The following ZPLD1 variants were observed in gnomAD, a reference collection of about 807,000 sequenced individuals.
ZPLD1 encodes the protein zona pellucida-like domain-containing protein 1.
A neutral mutation model predicts 47.2 loss-of-function variants in ZPLD1; 34 were observed. The ratio of observed to expected loss-of-function variants is 0.72; its 90% confidence interval spans 0.55 to 0.96. ZPLD1 has a LOEUF of 0.96. ZPLD1 is among the 40% of genes least tolerant of loss of function. The pLI is 0.00. For missense variants in ZPLD1, 512 were observed against 505.8 expected, an observed-to-expected ratio of 1.01 and a Z score of -0.12; for synonymous variants, 176 against 186.2, an observed-to-expected ratio of 0.95 and a Z score of 0.45.
chr3:102,450,420 A>T (rs1292307436), intron 3 of ZPLD1, among the ~76,000 whole-genome samples: 1 of 152,150 alleles, frequency 6.6e-6, no homozygotes, highest in Non-Finnish European at 1.5e-5. Context: ...CCCAGGAGGT[A>T]ACTACTTTTC....
intron 6 of ZPLD1, among the ~76,000 whole-genome samples, chr3:102,458,958 C>T (rs965003013): frequency 4.0e-5 from 6 of 151,460 alleles, no homozygotes; most frequent in Admixed American, 1.3e-4. Flanking sequence ...GGCGTGGTGG[C>T]GGGCACCTGT....
intron 3 of ZPLD1, among the ~76,000 whole-genome samples, chr3:102,450,384 CG>C (rs1010741243): frequency 1.1e-4 from 16 of 152,216 alleles, no homozygotes; most frequent in African/African-American, 3.4e-4. Flanking sequence ...CAATTGTTCT[CG>C]TGCTCCTATT....
chr3:102,426,094 C>T (rs928590148), intron 8 of ZPLD1, among the ~76,000 whole-genome samples: 2 of 150,776 alleles, frequency 1.3e-5, no homozygotes, highest in Middle Eastern at 3.4e-3. Context: ...TAATCTTTAA[C>T]ATTTTGACAT....
intron 7 of ZPLD1, among the ~76,000 whole-genome samples, chr3:102,395,185 A>G (rs1199029485): frequency 6.6e-6 from 1 of 152,110 alleles, no homozygotes; most frequent in South Asian, 2.1e-4. Context: ...TAGGCAAATA[A>G]CAGACTCCAA....
chr3:102,412,405 T>G (rs1333746954), intron 7 of ZPLD1, among the ~76,000 whole-genome samples: 3 of 151,754 alleles, frequency 2.0e-5, no homozygotes, highest in African/African-American at 7.2e-5. Flanking sequence ...TTATATTTGA[T>G]TCTAGAACCA....
At chr3:102,390,243 C>A (rs577719340) in intron 6 of ZPLD1, among the ~76,000 whole-genome samples, 1 of 152,122 alleles carries the variant, frequency 6.6e-6, no homozygotes, top group Non-Finnish European at 1.5e-5. Flanking sequence ...AAACACACAG[C>A]GTGCTTTCTA....
At chr3:102,403,643 CCTATAACTT>C (rs1706649668) in intron 7 of ZPLD1, among the ~76,000 whole-genome samples, 1 of 151,948 alleles carries the variant, frequency 6.6e-6, no homozygotes, top group Non-Finnish European at 1.5e-5. Context: ...CCCTTAGATT[CCTATAACTT>C]CTTCACAAAT....
chr3:102,440,449 A>T (rs150855360), intron 3 of ZPLD1, among the ~76,000 whole-genome samples: 3 of 152,148 alleles, frequency 2.0e-5, no homozygotes, highest in Non-Finnish European at 4.4e-5. Flanking sequence ...GAACAACTGG[A>T]TGTTGATGCT....
chr3:102,447,109 A>G (rs1211653257), intron 3 of ZPLD1, among the ~76,000 whole-genome samples: 1 of 152,022 alleles, frequency 6.6e-6, no homozygotes, highest in East Asian at 1.9e-4. Context: ...CTCTGTCGCC[A>G]GGCTGGAGTG....
chr3:102,459,848 T>G (rs1707479161), intron 6 of ZPLD1, among the ~76,000 whole-genome samples: 1 of 152,250 alleles, frequency 6.6e-6, no homozygotes, highest in Admixed American at 6.5e-5. Context: ...GATACATTAT[T>G]AACCAAAGTC....
chr3:102,464,147 T>C (rs1285971457), intron 7 of ZPLD1, 24 bp from the exon 8 acceptor site: 2 of 1,550,952 alleles, frequency 1.3e-6, no homozygotes, highest in South Asian at 2.2e-5. Context: ...TGACTCTAGA[T>C]TATGTTTGCT....
At chr3:102,457,657 C>A in intron 5 of ZPLD1, 124 bp from the exon 6 acceptor site, 1 of 814,214 alleles carries the variant, frequency 1.2e-6, no homozygotes, top group Non-Finnish European at 2.0e-6. Flanking sequence ...AGTATAGCAA[C>A]TCCAGGTATA....
chr3:102,454,978 C>G (rs771851961), intron 4 of ZPLD1, among the ~76,000 whole-genome samples: 1 of 152,182 alleles, frequency 6.6e-6, no homozygotes, highest in Non-Finnish European at 1.5e-5. Flanking sequence ...GCTTATCTTT[C>G]ATTTTTGCCT....
chr3:102,465,728 A>C (rs1000758035), intron 8 of ZPLD1, among the ~76,000 whole-genome samples: 1 of 152,204 alleles, frequency 6.6e-6, no homozygotes. Flanking sequence ...AGTGAAATGC[A>C]TAACTAAAGA....
chr3:102,472,251 G>T (rs187889447), intron 10 of ZPLD1, among the ~76,000 whole-genome samples: 1 of 152,144 alleles, frequency 6.6e-6, no homozygotes, highest in Non-Finnish European at 1.5e-5. Context: ...GACTGGTTTG[G>T]CTGGGCGCGG....
intron 1 of ZPLD1, 87 bp downstream of exon 1, chr3:102,435,241 G>A: frequency 6.9e-7 from 1 of 1,447,374 alleles, no homozygotes; most frequent in East Asian, 2.3e-5. Flanking sequence ...GCTTGAAAAT[G>A]TCGTAAGCCC....
At position 102,440,037 on chromosome 3, in the gene ZPLD1, G is replaced by T. The variant is rs375744635; in HGVS notation, c.106+1444G>T. ...TGCAACTCTGAGGTGTCATTGAACA[G>T]GCTCCTTTTTCCTGTCTATCCTGTA... On this transcript the variant is annotated intron_variant, in intron 3 of 11. Transcript: ENST00000466937. 2.0e-5 allele frequency among the ~76,000 whole-genome samples: 3 copies of T among 152,324 alleles called. No homozygotes were observed. In the East Asian group the frequency reaches 5.8e-4, roughly 29 times the overall value.
chr3:102,413,143 A>G (rs183123284), intron 7 of ZPLD1, among the ~76,000 whole-genome samples: 3 of 151,830 alleles, frequency 2.0e-5, no homozygotes, highest in Admixed American at 2.0e-4. Flanking sequence ...ATATAGAAAC[A>G]AACAAATAAA....
rs765958844 is a variant in ZPLD1, at chr3:102,435,104, G to C, written c.-173G>C. On this transcript the variant is annotated 5_prime_UTR_variant, in exon 1 of 12. Coordinates refer to ENST00000466937, the MANE Select transcript of ZPLD1 (RefSeq NM_001329788.2). ...GTGCTAAAATAGCATCTCCAAGCTT[G>C]CTATGGCAAGATGATGCTCAGGTTT... 6.2e-7 allele frequency: 1 copy of C among 1,614,104 alleles called. No individual in the cohort carries two copies. Among genetic ancestry groups the C allele is most frequent in the Non-Finnish European group, 8.5e-7 (1 of 1,179,970 alleles).
Sources: allele counts gnomAD v4.1 joint callset (sites outside exome capture counted in the v4.1 genomes callset), GRCh38; gene constraint gnomAD v4.1.1; transcripts MANE v1.5; gene names NCBI Gene and HGNC (gene_info 2026-07-23, HGNC 2026-07-21).